UGT1A10: variants seen among roughly 807,000 people sequenced by gnomAD.
The protein encoded by UGT1A10 is UDP glucuronosyltransferase family 1 member A10, also known as UDP-glucuronosyltransferase 1A10.
Under a neutral mutation model 45.8 loss-of-function variants are expected in UGT1A10, and 49 were observed. The observed-to-expected ratio is 1.07, with a 90% confidence interval of 0.85 to 1.36. UGT1A10 has a LOEUF of 1.36. UGT1A10 is among the 40% of genes most tolerant of loss of function. The probability of loss-of-function intolerance (pLI) is 0.00; values close to 1 mark genes in which losing one functional copy is unlikely to be tolerated. For missense variants in UGT1A10, 745 were observed against 668.6 expected (o/e 1.11, Z -1.26); for synonymous variants, 284 against 249.7 (o/e 1.14, Z -1.29).
At chr2:233,693,286 T>C in intron 1 of UGT1A10, 1 of 1,614,182 alleles carries the variant, frequency 6.2e-7, no homozygotes, top group Non-Finnish European at 8.5e-7. Flanking sequence ...ACCAATCATT[T>C]GGAAACAATC....
At chr2:233,640,275 A>G (rs781381662) in intron 1 of UGT1A10, among the ~76,000 whole-genome samples, 1 of 152,118 alleles carries the variant, frequency 6.6e-6, no homozygotes, top group Non-Finnish European at 1.5e-5. Context: ...AATAATTTTC[A>G]GTGTTTTGCT....
intron 1 of UGT1A10, among the ~76,000 whole-genome samples, chr2:233,707,710 A>G (rs556355059): frequency 6.6e-6 from 1 of 152,256 alleles, no homozygotes; most frequent in East Asian, 1.9e-4. Context: ...GCTTTTCACT[A>G]CTGTGAACAA....
chr2:233,643,628 C>A (rs2073519036), intron 1 of UGT1A10, among the ~76,000 whole-genome samples: 1 of 152,056 alleles, frequency 6.6e-6, no homozygotes, highest in Non-Finnish European at 1.5e-5. Context: ...GAGTTTTGCT[C>A]CATAGCCATC....
intron 1 of UGT1A10, among the ~76,000 whole-genome samples, chr2:233,695,107 C>T (rs941691893): frequency 3.3e-5 from 5 of 150,048 alleles, no homozygotes; most frequent in African/African-American, 1.2e-4. Flanking sequence ...GTTTTTGTGC[C>T]CATTAACCAA....
intron 1 of UGT1A10, chr2:233,713,965 A>G (rs1306129975): frequency 1.2e-6 from 2 of 1,604,828 alleles, no homozygotes; most frequent in Non-Finnish European, 1.7e-6. Context: ...CAAAGATTTC[A>G]TTTCTGCTTC....
intron 1 of UGT1A10, among the ~76,000 whole-genome samples, chr2:233,638,593 A>T (rs2073366614): frequency 6.6e-6 from 1 of 152,224 alleles, no homozygotes; most frequent in Non-Finnish European, 1.5e-5. Context: ...GAAAAATACC[A>T]GAATAAGATT....
intron 1 of UGT1A10, among the ~76,000 whole-genome samples, chr2:233,733,272 C>A (rs1167854143): frequency 6.6e-6 from 1 of 152,152 alleles, no homozygotes; most frequent in African/African-American, 2.4e-5. Context: ...TATTTGACTT[C>A]CTCTTTTCCT....
At chr2:233,767,258 C>A in intron 2 of UGT1A10, 93 bp downstream of exon 2, 1 of 1,592,782 alleles carries the variant, frequency 6.3e-7, no homozygotes, top group Non-Finnish European at 8.5e-7. Flanking sequence ...TTAATTGGAA[C>A]CTTAGATTTG....
rs144275831 is a variant in UGT1A10, at chr2:233,718,988, C to A, written c.856-48046C>A. 175 of 1,614,210 alleles carry A rather than the reference C, an allele frequency of 1.1e-4. 1 individual carries two copies. In the Middle Eastern group the frequency reaches 1.3e-3, roughly 12 times the overall value. ...TGCGGGAGCTCCATGCCAGAGGCCA[C>A]CAGGCGGTGGTCCTCACCCCAGAGG... On this transcript the variant is annotated intron_variant, in intron 1 of 4. Coordinates refer to ENST00000344644, the MANE Select transcript of UGT1A10 (RefSeq NM_019075.4).
chr2:233,743,701 C>T (rs13009407), intron 1 of UGT1A10: 1 of 1,367,252 alleles, frequency 7.3e-7, no homozygotes, highest in Admixed American at 1.9e-5. Context: ...CGCCCTCCGC[C>T]CCCGCCTCGC....
At chr2:233,755,301 G>A in intron 1 of UGT1A10, 2 of 599,966 alleles carry the variant, frequency 3.3e-6, no homozygotes, top group Non-Finnish European at 5.2e-6. Context: ...CGGGGCACTG[G>A]CACAGCGAGC....
At chr2:233,729,219 G>A in intron 1 of UGT1A10, 1 of 1,614,156 alleles carries the variant, frequency 6.2e-7, no homozygotes, top group Non-Finnish European at 8.5e-7. Context: ...GTGGAAAGGT[G>A]TTGGTGGTGC....
chr2:233,720,495 T>G (rs546107081), intron 1 of UGT1A10, among the ~76,000 whole-genome samples: 4 of 152,212 alleles, frequency 2.6e-5, no homozygotes, highest in Admixed American at 2.6e-4. Context: ...AGAAGGGAAG[T>G]GTTTCTCAGG....
chr2:233,708,361 C>T (rs919145520), intron 1 of UGT1A10: 2 of 152,120 alleles, frequency 1.3e-5, no homozygotes, highest in African/African-American at 4.8e-5. Context: ...CTTATTAATT[C>T]TTCATTTAAA....
intron 1 of UGT1A10, among the ~76,000 whole-genome samples, chr2:233,757,557 T>C (rs1380539575): frequency 8.0e-6 from 1 of 124,464 alleles, no homozygotes; most frequent in Non-Finnish European, 1.7e-5. Context: ...TATATATATA[T>C]ATATGTATAT....
At chr2:233,654,930 A>G (rs1039333456) in intron 1 of UGT1A10, among the ~76,000 whole-genome samples, 1 of 152,178 alleles carries the variant, frequency 6.6e-6, no homozygotes, top group Non-Finnish European at 1.5e-5. Context: ...CGTCTCTACT[A>G]AAAATACAAA....
chr2:233,769,603 GA>G lies in UGT1A10; in HGVS notation c.1295+1165del. 1 of 1,612,818 alleles carries G rather than the reference GA, an allele frequency of 6.2e-7. No individual in the cohort carries two copies. The highest frequency in any genetic ancestry group is 1.1e-5 in the South Asian group (1 of 91,040). On this transcript the variant is annotated intron_variant, in intron 4 of 4. Transcript: ENST00000344644. This position sits in a 1 kb window ranked among gnomAD's most constrained non-coding sequence, Gnocchi z 4.4. ...CAGATGAGAGGAGACGGAACACGGG[GA>G]CACACCAGCTTGAGCAAGGGACAAC...
intron 1 of UGT1A10, chr2:233,713,421 A>G (rs28946885): frequency 6.9e-5 from 112 of 1,613,970 alleles, no homozygotes; most frequent in African/African-American, 9.3e-5. Flanking sequence ...CCTGCATGCT[A>G]CTTCCTTTGA....
intron 1 of UGT1A10, among the ~76,000 whole-genome samples, chr2:233,717,290 C>T (rs3806592): frequency 0.42 from 63,446 of 151,946 alleles, 14,273 homozygotes; most frequent in African/African-American, 0.59. Flanking sequence ...ATGTTGCACC[C>T]ACAGCTGAGA....
Sources: gnomAD v4.1 joint callset for allele counts (sites outside exome capture counted in the v4.1 genomes callset) on GRCh38, gnomAD v4.1.1 for gene constraint, Gnocchi (gnomAD v3.1) non-coding constraint, MANE v1.5 for transcripts, NCBI Gene and HGNC (gene_info 2026-07-23, HGNC 2026-07-21) for gene names.